Variants in MAML1 observed in about 807,000 individuals in gnomAD.
The protein encoded by MAML1 is mastermind like transcriptional coactivator 1.
MAML1 carries 14 observed loss-of-function variants against 77.1 expected under a neutral mutation model. The ratio of observed to expected loss-of-function variants is 0.18; its 90% CI spans 0.12 to 0.28. MAML1 has a LOEUF of 0.28. MAML1 is among the 10% of genes least tolerant of loss of function. MAML1 has a pLI of 1.00. For synonymous variants in MAML1, 516 were observed against 551.9 expected (o/e 0.93, Z 0.91); for missense variants, 1,217 against 1,327.8 (o/e 0.92, Z 1.30).
chr5:179,733,755 G>T (rs1779115032), intron 1 of MAML1, among the ~76,000 whole-genome samples: 2 of 152,194 alleles, frequency 1.3e-5, no homozygotes, highest in South Asian at 2.1e-4. Context: ...CATTCGAGTC[G>T]CCTGTGATGG....
chr5:179,775,379 T>C lies in MAML1; in HGVS notation c.*502T>C. ...TTAAACAGATTAGGGTAGGTGATGG[T>C]TTAAATCAATTAAGTGGCATTGGAA... On this transcript the variant is annotated 3_prime_UTR_variant, in exon 5 of 5. Transcript: ENST00000292599. 1.0e-6 allele frequency: 1 copy of C among 985,394 alleles called. No homozygotes were observed. The allele number at this position is 985,394 out of a possible 1,614,324, so 61.0% of individuals were successfully genotyped here.
chr5:179,741,090 C>G (rs1040841170), intron 1 of MAML1, among the ~76,000 whole-genome samples: 1 of 152,174 alleles, frequency 6.6e-6, no homozygotes, highest in Non-Finnish European at 1.5e-5. Context: ...ATGGACTTTC[C>G]CTTTTTCCTA....
At position 179,769,017 on chromosome 5, in the gene MAML1, A is replaced by G. The variant is rs1755905326; in HGVS notation, c.1899A>G (p.Gln633=). 1 of 1,614,188 alleles carries G rather than the reference A, an allele frequency of 6.2e-7. No homozygotes were observed. The highest frequency in any genetic ancestry group is 8.5e-7 in the Non-Finnish European group (1 of 1,180,040). ...QHQLLLDQQK[Q]REQQQKHLQQ... The stretch of plus-strand genomic sequence containing the variant: ...AGTTGCTTTTGGACCAACAGAAACA[A>G]AGGGAGCAGCAGCAAAAGCATTTAC... The change falls in exon 3 of 5, where the codon CAA becomes CAG. Residue 633 remains glutamine (Q), a synonymous_variant. Transcript: ENST00000292599. This position sits in a 1 kb window ranked among gnomAD's most constrained non-coding sequence, Gnocchi z 4.2.
rs570460417 is a variant in MAML1 at position 179,766,314 on chromosome 5, C to T, written c.1304C>T (p.Pro435Leu). The change falls in exon 2 of 5, where the codon CCC becomes CTC. Residue 435 changes from proline to leucine, a missense_variant. Around this residue, in one of 3 missense-constraint regions of MAML1, gnomAD observed 884 missense variants for 949.3 expected, o/e 0.93. Coordinates refer to ENST00000292599, the MANE Select transcript of MAML1 (RefSeq NM_014757.5). This position sits in a 1 kb window ranked among gnomAD's most constrained non-coding sequence, Gnocchi z 4.0. ...GQMSTWQQTG[P>L]SHSSLDVPYP... Reference sequence around the variant, plus strand: ...ATGTCCACATGGCAGCAGACGGGGCCCTCCCACAGTTCCTTAGATGTCCCT... The same window carrying T: ...ATGTCCACATGGCAGCAGACGGGGCTCTCCCACAGTTCCTTAGATGTCCCT... 2 of 1,611,262 alleles carry T rather than the reference C, an allele frequency of 1.2e-6. No homozygotes were observed. Among genetic ancestry groups the T allele is most frequent in the African/African-American group, 1.3e-5 (1 of 75,000 alleles).
chr5:179,772,495 T>C (rs1466752045), intron 4 of MAML1, among the ~76,000 whole-genome samples: 1 of 152,072 alleles, frequency 6.6e-6, no homozygotes, highest in Non-Finnish European at 1.5e-5. Context: ...GAACAATGAC[T>C]CTCCTACCCA....
rs1779819271 is a variant in MAML1 at position 179,766,342 on chromosome 5, C to T, written c.1332C>T (p.Tyr444=). The change falls in exon 2 of 5, where the codon TAC becomes TAT. Residue 444 remains tyrosine (Y), a synonymous_variant. Transcript: ENST00000292599. This position sits in a 1 kb window ranked among gnomAD's most constrained non-coding sequence, Gnocchi z 4.0. ...CCCACAGTTCCTTAGATGTCCCTTA[C>T]CCCATGGAGAAGCCTGCCAGCCCTT... The part of the protein sequence containing the change: ...GPSHSSLDVP[Y]PMEKPASPSS... 1 of 1,606,224 alleles carries T rather than the reference C, an allele frequency of 6.2e-7. No homozygotes were observed. The highest frequency in any genetic ancestry group is 1.3e-5 in the African/African-American group (1 of 74,740).
chr5:179,745,806 G>A (rs186148532), intron 1 of MAML1, among the ~76,000 whole-genome samples: 379 of 142,620 alleles, frequency 2.7e-3, no homozygotes, highest in Non-Finnish European at 4.2e-3. Context: ...CGTGGAGTGA[G>A]CCGAGATCGT....
rs1779101215 is a variant in MAML1 at position 179,733,249 on chromosome 5, C to G, written c.137C>G (p.Pro46Arg). 1.4e-6 allele frequency: 2 copies of G among 1,473,704 alleles called. No homozygotes were observed. Among genetic ancestry groups the G allele is most frequent in the East Asian group, 3.0e-5 (1 of 33,356 alleles). The allele number at this position is 1,473,704 out of a possible 1,614,324, so 91.3% of individuals were successfully genotyped here. A position where few individuals can be genotyped will look rare whatever the true frequency, so the allele number is the denominator to read the frequency against. The change falls in exon 1 of 5, where the codon CCC (proline) becomes CGC (arginine). Residue 46 changes from proline to arginine, a missense_variant. Coordinates refer to ENST00000292599, the MANE Select transcript of MAML1 (RefSeq NM_014757.5). ...TCEARYEAVS[P>R]ERLELERQHT... ...GAGGCCCGCTACGAGGCCGTGTCGC[C>G]CGAGCGCCTGGAGCTGGAGCGCCAA...
At position 179,769,012 on chromosome 5, in the gene MAML1, A is replaced by T. The variant is rs1755905286; in HGVS notation, c.1894A>T (p.Lys632Ter). The T allele has an allele frequency of 6.2e-7, 1 of 1,614,118 alleles. No individual in the cohort carries two copies. Among genetic ancestry groups the T allele is most frequent in the Non-Finnish European group, 8.5e-7 (1 of 1,180,064 alleles). The change falls in exon 3 of 5, where the codon AAA (lysine) becomes TAA (stop). Residue 632 changes from lysine to a stop codon, truncating the protein, a stop_gained. Coordinates refer to ENST00000292599, the MANE Select transcript of MAML1 (RefSeq NM_014757.5). LOFTEE classifies it high-confidence loss of function. This position sits in a 1 kb window ranked among gnomAD's most constrained non-coding sequence, Gnocchi z 4.2. ...GCATCAGTTGCTTTTGGACCAACAG[A>T]AACAAAGGGAGCAGCAGCAAAAGCA... is the stretch of plus-strand genomic sequence containing the variant. Reference protein sequence around the residue: ...KQHQLLLDQQKQREQQQKHLQ... With the variant: ...KQHQLLLDQQ
rs189470241 is a variant in MAML1, at chr5:179,740,821, A to G, written c.315+7394A>G. Among the ~76,000 whole-genome samples, 220 of 152,222 alleles carry G rather than the reference A, an allele frequency of 1.4e-3. 2 individuals are homozygous for G. Among genetic ancestry groups the G allele is most frequent in the African/African-American group, 5.0e-3 (208 of 41,528 alleles). On this transcript the variant is annotated intron_variant, in intron 1 of 4. Coordinates refer to ENST00000292599, the MANE Select transcript of MAML1 (RefSeq NM_014757.5). ...GCAGGAGAGGGGAGTATTCAAGGGA[A>G]ATTCCTAGTTTTATGGCTTGAGAAA...
At chr5:179,749,352 C>G (rs891365186) in intron 1 of MAML1, among the ~76,000 whole-genome samples, 4 of 152,142 alleles carry the variant, frequency 2.6e-5, no homozygotes, top group African/African-American at 4.8e-5. Context: ...TCTTGAACTC[C>G]CAACCTCAAG....
At chr5:179,772,416 C>G (rs1370413997) in intron 4 of MAML1, among the ~76,000 whole-genome samples, 1 of 152,110 alleles carries the variant, frequency 6.6e-6, no homozygotes, top group Non-Finnish European at 1.5e-5. Flanking sequence ...CGTGCCCGGC[C>G]CCAATTTTTA....
chr5:179,765,866 T>C lies in MAML1; in HGVS notation c.856T>C (p.Ser286Pro), dbSNP rs755279459. 6 of 1,614,194 alleles carry C rather than the reference T, an allele frequency of 3.7e-6. No individual in the cohort carries two copies. Among genetic ancestry groups the C allele is most frequent in the Non-Finnish European group, 4.2e-6 (5 of 1,180,042 alleles). Residue 286 changes from serine to proline, a missense_variant, in exon 2 of 5, where the codon TCT (serine) becomes CCT (proline). By Grantham distance (74) the Ser-to-Pro change is moderately conservative. Around this residue, in one of 3 missense-constraint regions of MAML1, gnomAD observed 884 missense variants for 949.3 expected, o/e 0.93. Transcript: ENST00000292599. ...GAAGAAGGACCCAGAGTCTTCTGGCTCTGCCACACAAACCCCCTTGGCACA... is the reference window on the plus strand; with the variant it reads ...GAAGAAGGACCCAGAGTCTTCTGGCCCTGCCACACAAACCCCCTTGGCACA... Reference protein sequence around the residue: ...EEKKDPESSGSATQTPLAQDI... With the variant: ...EEKKDPESSGPATQTPLAQDI...
intron 4 of MAML1, among the ~76,000 whole-genome samples, chr5:179,772,185 C>G (rs1756009808): frequency 6.6e-6 from 1 of 152,194 alleles, no homozygotes; most frequent in Admixed American, 6.5e-5. Flanking sequence ...GTGGCACGAT[C>G]TTGGCTCACT....
chr5:179,763,455 ATTTTT>A (rs11419516), intron 1 of MAML1, among the ~76,000 whole-genome samples: 149 of 147,430 alleles, frequency 1.0e-3, no homozygotes, highest in Non-Finnish European at 1.7e-3. Flanking sequence ...CATTCCTGCG[ATTTTT>A]TTTTTTTTTC....
chr5:179,741,628 G>A (rs565423074), intron 1 of MAML1, among the ~76,000 whole-genome samples: 2 of 149,980 alleles, frequency 1.3e-5, no homozygotes, highest in Non-Finnish European at 3.0e-5. Flanking sequence ...CGAGGTTGTC[G>A]TGAGCTGAGA....
Position 179,766,800 on chromosome 5 carries a change from A to G in MAML1, c.1731+59A>G. 7.2e-7 allele frequency: 1 copy of G among 1,380,418 alleles called. No homozygotes were observed. Among genetic ancestry groups the G allele is most frequent in the Admixed American group, 2.7e-5 (1 of 37,594 alleles). The allele number at this position is 1,380,418 out of a possible 1,614,324, so 85.5% of individuals were successfully genotyped here. A position where few individuals can be genotyped will look rare whatever the true frequency, so the allele number is the denominator to read the frequency against. ...TGCAGACACTTCAGTGAGGTTACTCACTACTTTGGATGTTAATTGGATCCG... is the reference window on the plus strand; with the variant it reads ...TGCAGACACTTCAGTGAGGTTACTCGCTACTTTGGATGTTAATTGGATCCG... On this transcript the variant is annotated intron_variant, in intron 2 of 4. Transcript: ENST00000292599. This position sits in a 1 kb window ranked among gnomAD's most constrained non-coding sequence, Gnocchi z 4.0.
intron 1 of MAML1, among the ~76,000 whole-genome samples, chr5:179,764,816 T>A (rs1258831022): frequency 6.6e-6 from 1 of 151,944 alleles, no homozygotes; most frequent in Non-Finnish European, 1.5e-5. Context: ...TACCGGAAGT[T>A]AGCCAGGCAC....
At position 179,766,371 on chromosome 5, in the gene MAML1, G is replaced by T; in HGVS notation, c.1361G>T (p.Ser454Ile). 6.2e-7 allele frequency: 1 copy of T among 1,607,602 alleles called. No homozygotes were observed. The highest frequency in any genetic ancestry group is 8.5e-7 in the Non-Finnish European group (1 of 1,176,326). The change falls in exon 2 of 5, where the codon AGC becomes ATC. Residue 454 changes from serine (S) to isoleucine (I), a missense_variant. Physicochemically the swap from Ser to Ile is moderately radical, Grantham distance 142. This residue lies in a region of MAML1 where 884 missense variants were observed against 949.3 expected (regional missense o/e 0.93). Coordinates refer to ENST00000292599, the MANE Select transcript of MAML1 (RefSeq NM_014757.5). This position sits in a 1 kb window ranked among gnomAD's most constrained non-coding sequence, Gnocchi z 4.0. ...YPMEKPASPS[S>I]YKQDFTNSKL... ...ATGGAGAAGCCTGCCAGCCCTTCCA[G>T]CTACAAGCAAGACTTCACTAACTCC...
Sources: gnomAD v4.1 joint callset for allele counts (sites outside exome capture counted in the v4.1 genomes callset) on GRCh38, gnomAD v4.1.1 for gene constraint, gnomAD v4.1.1 regional missense constraint, Gnocchi (gnomAD v3.1) non-coding constraint, MANE v1.5 for transcripts, NCBI Gene and HGNC (gene_info 2026-07-23, HGNC 2026-07-21) for gene names.